The following CDHR2 variants were observed in gnomAD, a reference collection of about 807,000 sequenced individuals.
The protein encoded by CDHR2 is cadherin related family member 2.
A neutral mutation model predicts 138.6 loss-of-function variants in CDHR2; 104 were observed. The observed-to-expected ratio is 0.75, with a 90% CI of 0.64 to 0.88. The LOEUF (loss-of-function observed/expected upper bound fraction) is 0.88. Ranked by LOEUF, CDHR2 falls within the 40% of genes least tolerant of loss-of-function variation. CDHR2 has a pLI of 0.00. For synonymous variants in CDHR2, 755 were observed against 742.8 expected (o/e 1.02, Z -0.27); for missense variants, 1,624 against 1,727.6 (o/e 0.94, Z 1.06).
At chr5:176,566,090 G>A (rs931226428) in intron 3 of CDHR2, among the ~76,000 whole-genome samples, 12 of 149,296 alleles carry the variant, frequency 8.0e-5, no homozygotes, top group Admixed American at 6.7e-4. Flanking sequence ...CCACTCCCAC[G>A]CTGGCTTTTT....
intron 16 of CDHR2, among the ~76,000 whole-genome samples, chr5:176,580,528 CAAA>C (rs35346478): frequency 4.6e-5 from 4 of 87,438 alleles, no homozygotes; most frequent in Non-Finnish European, 4.7e-5. Context: ...GACTCCACCT[CAAA>C]AAAAAAAAAA....
chr5:176,594,075 A>C (rs1334658395), intron 31 of CDHR2, among the ~76,000 whole-genome samples: 1 of 152,156 alleles, frequency 6.6e-6, no homozygotes, highest in African/African-American at 2.4e-5. Flanking sequence ...GAGTGGAGTT[A>C]AGGACCCCCT....
At chr5:176,548,885 G>A (rs1390069782), upstream of CDHR2, among the ~76,000 whole-genome samples, 1 of 152,140 alleles carries the variant, frequency 6.6e-6, no homozygotes, top group African/African-American at 2.4e-5. Flanking sequence ...GGCTCAGCTA[G>A]CCCCCAGTCC....
At position 176,589,195 on chromosome 5, in the gene CDHR2, G is replaced by A. The variant is rs750100423; in HGVS notation, c.3008+13G>A. On this transcript the variant is annotated intron_variant, in intron 22 of 31. Coordinates refer to ENST00000261944, the MANE Select transcript of CDHR2 (RefSeq NM_017675.6). ...CTGGGAGCATTCAGTAACTGCGGGC[G>A]GCCCCGGGAGGGAGGTTGCGGGGAG... 20 of 1,613,732 alleles carry A rather than the reference G, an allele frequency of 1.2e-5. No individual in the cohort carries two copies. Among genetic ancestry groups the A allele is most frequent in the South Asian group, 4.4e-5 (4 of 91,072 alleles).
chr5:176,572,933 T>C (rs766431873), intron 6 of CDHR2, among the ~76,000 whole-genome samples: 9 of 152,130 alleles, frequency 5.9e-5, no homozygotes, highest in Non-Finnish European at 8.8e-5. Flanking sequence ...GCAGAATGGA[T>C]TTCAGATGGC....
intron 21 of CDHR2, 100 bp downstream of exon 21, chr5:176,586,942 C>T (rs1004511138): frequency 4.9e-5 from 46 of 945,890 alleles, no homozygotes; most frequent in Non-Finnish European, 6.9e-5. Context: ...TATATGGGCT[C>T]CAACACATGA....
At chr5:176,555,028 C>CT (rs1757791071) in intron 1 of CDHR2, among the ~76,000 whole-genome samples, 2 of 152,198 alleles carry the variant, frequency 1.3e-5, no homozygotes. Context: ...CTCCACGAGT[C>CT]TCTTGCTATT....
At chr5:176,545,437 C>T (rs988331885), upstream of CDHR2, among the ~76,000 whole-genome samples, 6 of 152,172 alleles carry the variant, frequency 3.9e-5, no homozygotes, top group African/African-American at 1.4e-4. Context: ...CCACCGCACT[C>T]GGCCGAGAAG....
At position 176,575,820 on chromosome 5, in the gene CDHR2, A is replaced by T; in HGVS notation, c.941A>T (p.Glu314Val). The T allele has an allele frequency of 6.4e-7, 1 of 1,551,872 alleles. No individual in the cohort carries two copies. The highest frequency in any genetic ancestry group is 8.7e-7 in the Non-Finnish European group (1 of 1,147,168). ...DREQLLEADE[E>V]VQLQVTATET... ...GAGCAGCTGCTGGAGGCGGATGAGG[A>T]GGTGCAGCTGCAGGTCACGGTGAGC... Residue 314 changes from glutamate (E) to valine (V), a missense_variant, in exon 11 of 32, where the codon GAG becomes GTG. Physicochemically the swap from Glu to Val is moderately radical, Grantham distance 121 (BLOSUM62 -2). This residue lies in a region of CDHR2 where 1,061 missense variants were observed against 1,136.6 expected (regional missense o/e 0.93). Coordinates refer to ENST00000261944, the MANE Select transcript of CDHR2 (RefSeq NM_017675.6).
intron 1 of CDHR2, among the ~76,000 whole-genome samples, chr5:176,563,123 A>G (rs1435081044): frequency 6.6e-6 from 1 of 152,074 alleles, no homozygotes; most frequent in Non-Finnish European, 1.5e-5. Flanking sequence ...CGAGGCAGGC[A>G]GATCACTTGA....
Position 176,577,468 on chromosome 5 carries a change from C to G in CDHR2, c.1264C>G (p.Arg422Gly). Residue 422 changes from arginine to glycine, a missense_variant, in exon 13 of 32, where the codon CGG becomes GGG. By Grantham distance (125) the Arg-to-Gly change is moderately radical. Around this residue, in one of 3 missense-constraint regions of CDHR2, gnomAD observed 1,061 missense variants for 1,136.6 expected, o/e 0.93. Transcript: ENST00000261944. The part of the protein sequence containing the change: ...DAEAFSVSPE[R>G]AVGSASVQVL... ...AGAAGCCTTCAGCGTCTCCCCGGAG[C>G]GGGCAGTGGGCTCAGCCTCCGTTCA... 1 of 1,610,210 alleles carries G rather than the reference C, an allele frequency of 6.2e-7. No individual in the cohort carries two copies. The highest frequency in any genetic ancestry group is 2.2e-5 in the East Asian group (1 of 44,750).
Position 176,595,673 on chromosome 5 carries a change from C to A in CDHR2, c.*1C>A. On this transcript the variant is annotated 3_prime_UTR_variant, in exon 32 of 32. Coordinates refer to ENST00000261944, the MANE Select transcript of CDHR2 (RefSeq NM_017675.6). ...TGGCCTGGACACCACGGACCTGTGA[C>A]AGGGGCCCCCACTCTTCTGGACCCC... 1.3e-6 allele frequency: 2 copies of A among 1,583,026 alleles called. No individual in the cohort carries two copies. The highest frequency in any genetic ancestry group is 1.2e-5 in the South Asian group (1 of 86,750).
chr5:176,556,284 G>A (rs897780537), intron 1 of CDHR2, among the ~76,000 whole-genome samples: 7 of 152,152 alleles, frequency 4.6e-5, no homozygotes, highest in Admixed American at 2.6e-4. Context: ...TGGGAGGATC[G>A]CTTGAGCCCA....
chr5:176,595,562 C>G lies in CDHR2; in HGVS notation c.3823C>G (p.Pro1275Ala). 1.9e-6 allele frequency: 3 copies of G among 1,611,260 alleles called. No homozygotes were observed. The highest frequency in any genetic ancestry group is 2.5e-6 in the Non-Finnish European group (3 of 1,178,484). Residue 1275 changes from proline to alanine, a missense_variant, in exon 32 of 32, where the codon CCA (proline) becomes GCA (alanine). Around this residue, in one of 3 missense-constraint regions of CDHR2, gnomAD observed 556 missense variants for 565.7 expected, o/e 0.98. Transcript: ENST00000261944. ...EHRPPHTPPE[P>A]DPEPLSVVLL... ...CAGGCCACCACACACACCACCAGAG[C>G]CAGATCCAGAGCCCCTGAGCGTGGT...
chr5:176,580,018 C>T (rs1164542723), intron 16 of CDHR2, among the ~76,000 whole-genome samples: 1 of 152,152 alleles, frequency 6.6e-6, no homozygotes, highest in East Asian at 1.9e-4. Flanking sequence ...CTGCAAAGGC[C>T]TGGCGGCACA....
rs780817286 is a variant in CDHR2, at chr5:176,584,264, G to T, written c.2128+5G>T. 1.9e-6 allele frequency: 3 copies of T among 1,613,248 alleles called. No homozygotes were observed. Among genetic ancestry groups the T allele is most frequent in the Non-Finnish European group, 2.5e-6 (3 of 1,179,272 alleles). On this transcript the variant is annotated splice_donor_5th_base_variant and intron_variant, in intron 18 of 31. Coordinates refer to ENST00000261944, the MANE Select transcript of CDHR2 (RefSeq NM_017675.6). ...CGGTGAAGGAGGAGGATCCAGGTAT[G>T]TGCTCCCTGGGCCAGGAGAGACACT...
At chr5:176,594,986 G>A (rs942448549) in intron 31 of CDHR2, among the ~76,000 whole-genome samples, 1 of 152,194 alleles carries the variant, frequency 6.6e-6, no homozygotes, top group Non-Finnish European at 1.5e-5. Flanking sequence ...AAAAAGAGAC[G>A]TCAAATTCAA....
In CDHR2 at chr5:176,592,711, CCT is replaced by C. The variant is rs765801321; in HGVS notation, c.3735-7_3735-6del. On this transcript the variant is annotated splice_polypyrimidine_tract_variant and intron_variant, in intron 30 of 31. Coordinates refer to ENST00000261944, the MANE Select transcript of CDHR2 (RefSeq NM_017675.6). ...GCCTGCCAACACCTGAGCTCCATCA[CCT>C]CTCTTACAGCGTCAACTCCCTGGAC... 11 of 1,613,510 alleles carry C rather than the reference CCT, an allele frequency of 6.8e-6. No homozygotes were observed. The African/African-American group carries it at 1.1e-4, about 16-fold the overall frequency.
chr5:176,552,826 T>A (rs1032866825), intron 1 of CDHR2, among the ~76,000 whole-genome samples: 4 of 152,346 alleles, frequency 2.6e-5, no homozygotes, highest in South Asian at 4.1e-4. Context: ...ACTCTGCCGC[T>A]GACAGCCTTG....
Sources: allele counts gnomAD v4.1 joint callset (sites outside exome capture counted in the v4.1 genomes callset), GRCh38; gene constraint gnomAD v4.1.1; regional missense constraint gnomAD v4.1.1; transcripts MANE v1.5; gene names NCBI Gene and HGNC (gene_info 2026-07-23, HGNC 2026-07-21).